The following MRC2 variants were observed in gnomAD, a reference collection of about 807,000 sequenced individuals.
MRC2 encodes mannose receptor C-type 2, also known as C-type mannose receptor 2.
MRC2 carries 84 observed loss-of-function variants against 206.2 expected under a neutral mutation model. That is an observed-to-expected ratio of 0.41 (90% CI 0.34 to 0.49). The LOEUF (loss-of-function observed/expected upper bound fraction) is 0.49. Among genes scored for constraint, MRC2 ranks in the 20% least tolerant of loss-of-function variants. The pLI, the probability that MRC2 is intolerant of heterozygous loss-of-function variation, is 0.31. For synonymous variants in MRC2, 798 were observed against 800.0 expected (o/e 1.00, Z 0.04); for missense variants, 1,676 against 2,001.5 (o/e 0.84, Z 3.10).
At chr17:62,670,828 G>A (rs546931884) in intron 6 of MRC2, among the ~76,000 whole-genome samples, 3 of 152,256 alleles carry the variant, frequency 2.0e-5, no homozygotes, top group South Asian at 2.1e-4. Context: ...TTCCTGGTGG[G>A]CTTGCCTGGG....
chr17:62,656,380 C>G (rs1049520515), intron 1 of MRC2, among the ~76,000 whole-genome samples: 1 of 152,082 alleles, frequency 6.6e-6, no homozygotes, highest in Non-Finnish European at 1.5e-5. Flanking sequence ...TTTGTAGAGA[C>G]GGGATCTCAC....
At chr17:62,636,364 C>CA (rs937512417) in intron 1 of MRC2, among the ~76,000 whole-genome samples, 27 of 151,880 alleles carry the variant, frequency 1.8e-4, no homozygotes, top group African/African-American at 6.5e-4. Flanking sequence ...TACACACTAG[C>CA]ACAGGCCACA....
In MRC2 at chr17:62,664,361, A is replaced by G. The variant is rs1263144779; in HGVS notation, c.119-187A>G. ...GCAGGCCTCTGCCTCATCTGGGCAC[A>G]AGGGCTTAGCACTGCCACTCATTTC... is the stretch of plus-strand genomic sequence containing the variant. On this transcript the variant is annotated intron_variant, in intron 1 of 29. Transcript: ENST00000303375. This position sits in a 1 kb window ranked among gnomAD's most constrained non-coding sequence, Gnocchi z 4.7. 6.6e-6 allele frequency among the ~76,000 whole-genome samples: 1 copy of G among 152,198 alleles called. No homozygotes were observed. The highest frequency in any genetic ancestry group is 1.9e-4 in the East Asian group (1 of 5,182).
rs201695727 is a variant in MRC2, at chr17:62,691,134, C to T, written c.4192+6C>T. 236 of 1,595,664 alleles carry T rather than the reference C, an allele frequency of 1.5e-4. 2 individuals carry two copies. The East Asian group carries it at 5.1e-3, about 34-fold the overall frequency. On this transcript the variant is annotated splice_donor_region_variant and intron_variant, in intron 28 of 29. Coordinates refer to ENST00000303375, the MANE Select transcript of MRC2 (RefSeq NM_006039.5). ...CGTCTGCAAGCTTCCTCGTGGTGAG[C>T]GCCGGGCAGGCCCACGCTCAGCCTC...
intron 28 of MRC2, among the ~76,000 whole-genome samples, chr17:62,691,885 T>G (rs1487611635): frequency 1.3e-5 from 2 of 151,912 alleles, no homozygotes; most frequent in Admixed American, 6.6e-5. Context: ...AGGGCTGGGC[T>G]GAGACCTAGC....
chr17:62,640,017 C>CTTTTTTTTTTTTT (rs56703312), intron 1 of MRC2, among the ~76,000 whole-genome samples: 1,323 of 74,210 alleles, frequency 0.018, no homozygotes, highest in Non-Finnish European at 0.019. Flanking sequence ...CCATGCCCAG[C>CTTTTTTTTTTTTT]TTTTTTTTTT....
chr17:62,643,344 A>AAAAAG (rs1192303393), intron 1 of MRC2, among the ~76,000 whole-genome samples: 1 of 149,828 alleles, frequency 6.7e-6, no homozygotes, highest in South Asian at 2.1e-4. Context: ...AAAAAAAAAA[A>AAAAAG]AAAGAAAAAG....
At chr17:62,645,658 T>G (rs969878407) in intron 1 of MRC2, among the ~76,000 whole-genome samples, 1 of 148,750 alleles carries the variant, frequency 6.7e-6, no homozygotes, top group Non-Finnish European at 1.5e-5. Context: ...CTCAGACTCC[T>G]GAGTAAGCAG....
At chr17:62,636,417 A>T (rs1175556452) in intron 1 of MRC2, among the ~76,000 whole-genome samples, 1 of 149,454 alleles carries the variant, frequency 6.7e-6, no homozygotes, top group East Asian at 2.0e-4. Context: ...CCCAACCAAG[A>T]TTCCCCAATG....
intron 1 of MRC2, among the ~76,000 whole-genome samples, chr17:62,630,600 C>T (rs2147421896): frequency 6.6e-6 from 1 of 152,214 alleles, no homozygotes; most frequent in African/African-American, 2.4e-5. Flanking sequence ...ATGGGACCTG[C>T]AAGCTGGCTG....
At position 62,664,998 on chromosome 17, in the gene MRC2, G is replaced by T; in HGVS notation, c.520+49G>T. The T allele has an allele frequency of 6.5e-7, 1 of 1,539,868 alleles. No individual in the cohort carries two copies. The highest frequency in any genetic ancestry group is 1.2e-5 in the South Asian group (1 of 80,830). ...AGGGTGGGGTCCCCGATGTCCAGGG[G>T]ACTGGAGCCATGAGGGACAGATTCC... On this transcript the variant is annotated intron_variant, in intron 2 of 29. Transcript: ENST00000303375. This position sits in a 1 kb window ranked among gnomAD's most constrained non-coding sequence, Gnocchi z 4.7.
At chr17:62,674,701 A>G (rs373510456) in intron 9 of MRC2, among the ~76,000 whole-genome samples, 5 of 119,748 alleles carry the variant, frequency 4.2e-5, no homozygotes, top group African/African-American at 1.5e-4. Context: ...AGGGAGGTTG[A>G]GGGGGGGGGT....
rs148291196 is a variant in MRC2 at position 62,688,109 on chromosome 17, C to A, written c.2947-180C>A. On this transcript the variant is annotated intron_variant, in intron 20 of 29. Coordinates refer to ENST00000303375, the MANE Select transcript of MRC2 (RefSeq NM_006039.5). ...GGCAGGTGTGTGTGAATCTGCAGTGCCAAGCTGGGAGGTGCTGGAGGCTGC... is the reference window on the plus strand; with the variant it reads ...GGCAGGTGTGTGTGAATCTGCAGTGACAAGCTGGGAGGTGCTGGAGGCTGC... Among the ~76,000 whole-genome samples the A allele has an allele frequency of 7.2e-5, 11 of 152,270 alleles. No individual in the cohort carries two copies. In the East Asian group the frequency reaches 1.9e-3, roughly 27 times the overall value.
At chr17:62,631,223 T>C (rs1484244235) in intron 1 of MRC2, among the ~76,000 whole-genome samples, 2 of 152,124 alleles carry the variant, frequency 1.3e-5, no homozygotes, top group East Asian at 1.9e-4. Context: ...GCACTGTCCA[T>C]ACCCCCAGAG....
At chr17:62,628,132 C>T (rs934290205) in intron 1 of MRC2, among the ~76,000 whole-genome samples, 1 of 151,320 alleles carries the variant, frequency 6.6e-6, no homozygotes, top group Admixed American at 6.6e-5. Flanking sequence ...GGGGGAGGAC[C>T]TGAGTGGAAC....
At chr17:62,677,108 C>G (rs554138698) in intron 11 of MRC2, among the ~76,000 whole-genome samples, 161 bp from the exon 12 acceptor site, 1 of 152,360 alleles carries the variant, frequency 6.6e-6, no homozygotes, top group East Asian at 1.9e-4. Flanking sequence ...TGCCTCCATT[C>G]CCTTCCTCCC....
At chr17:62,631,510 A>AGT (rs142939148) in intron 1 of MRC2, among the ~76,000 whole-genome samples, 1 of 152,004 alleles carries the variant, frequency 6.6e-6, no homozygotes, top group Non-Finnish European at 1.5e-5. Context: ...AAGCACTGTC[A>AGT]GTGTGTGTGT....
intron 8 of MRC2, among the ~76,000 whole-genome samples, chr17:62,673,669 C>G (rs186851650): frequency 6.6e-6 from 1 of 152,026 alleles, no homozygotes; most frequent in Non-Finnish European, 1.5e-5. Flanking sequence ...CCACCACAAC[C>G]GGCTAACTTT....
intron 1 of MRC2, among the ~76,000 whole-genome samples, chr17:62,639,082 C>T (rs1182286887): frequency 6.6e-6 from 1 of 152,196 alleles, no homozygotes; most frequent in Non-Finnish European, 1.5e-5. Context: ...TGCCTGTAAT[C>T]CCAGCACTTT....
Sources: allele counts gnomAD v4.1 joint callset (sites outside exome capture counted in the v4.1 genomes callset), GRCh38; gene constraint gnomAD v4.1.1; non-coding constraint Gnocchi (gnomAD v3.1); transcripts MANE v1.5; gene names NCBI Gene and HGNC (gene_info 2026-07-23, HGNC 2026-07-21).